The following CLEC2B variants were observed in gnomAD, a reference collection of about 807,000 sequenced individuals.
The protein encoded by CLEC2B is C-type lectin domain family 2 member B.
Under a neutral mutation model 16.2 loss-of-function variants are expected in CLEC2B, and 14 were observed. The ratio of observed to expected loss-of-function variants is 0.86; its 90% CI spans 0.57 to 1.35. The LOEUF (loss-of-function observed/expected upper bound fraction) is 1.35, where lower values mean the gene tolerates loss of function less well. CLEC2B is among the 40% of genes most tolerant of loss of function. The pLI is 0.00. For synonymous variants in CLEC2B, 42 were observed against 55.8 expected (o/e 0.75, Z 1.10); for missense variants, 166 against 182.3 (o/e 0.91, Z 0.52).
At chr12:9,867,917 G>A (rs1391801693) in intron 1 of CLEC2B, among the ~76,000 whole-genome samples, 1 of 151,822 alleles carries the variant, frequency 6.6e-6, no homozygotes, top group East Asian at 1.9e-4. Flanking sequence ...AAATCAAACA[G>A]AATATTATTT....
intron 1 of CLEC2B, among the ~76,000 whole-genome samples, chr12:9,865,481 T>G (rs1266242461): frequency 6.6e-6 from 1 of 152,184 alleles, no homozygotes; most frequent in Non-Finnish European, 1.5e-5. Flanking sequence ...TCTAAAAATC[T>G]ATGGACCCAA....
At chr12:9,868,962 C>T (rs895874851) in intron 1 of CLEC2B, among the ~76,000 whole-genome samples, 1 of 152,040 alleles carries the variant, frequency 6.6e-6, no homozygotes, top group African/African-American at 2.4e-5. Context: ...AAAAATGAAA[C>T]TAAATCTTGA....
chr12:9,857,345 C>G (rs1867901128), intron 3 of CLEC2B, 129 bp downstream of exon 3: 1 of 687,528 alleles, frequency 1.5e-6, no homozygotes, highest in East Asian at 2.7e-5. Flanking sequence ...ACATGGCATA[C>G]TCTGAACATC....
intron 2 of CLEC2B, among the ~76,000 whole-genome samples, chr12:9,857,999 T>G (rs1389205093): frequency 6.6e-6 from 1 of 151,830 alleles, no homozygotes; most frequent in South Asian, 2.1e-4. Context: ...TAGTCACTAA[T>G]GAATCTAAAC....
chr12:9,854,387 G>A lies in CLEC2B; in HGVS notation c.335C>T (p.Thr112Ile), dbSNP rs2136976508. ...TGQWVDGATF[T>I]KSFGMRGSEG... ...CAGAAAAAAATAAACTCACGATTTGGTAAATGTAGCTCCATCTACCCATTG... is the reference window on the plus strand; with the variant it reads ...CAGAAAAAAATAAACTCACGATTTGATAAATGTAGCTCCATCTACCCATTG... Residue 112 changes from threonine to isoleucine, a missense_variant, in exon 4 of 5, where the codon ACC becomes ATC. Thr to Ile is a moderately conservative substitution (Grantham distance 89). Transcript: ENST00000228438. 1 of 1,607,166 alleles carries A rather than the reference G, an allele frequency of 6.2e-7. No individual in the cohort carries two copies. Among genetic ancestry groups the A allele is most frequent in the South Asian group, 1.1e-5 (1 of 90,770 alleles).
intron 1 of CLEC2B, among the ~76,000 whole-genome samples, chr12:9,863,143 G>C (rs1867946059): frequency 6.6e-6 from 1 of 152,100 alleles, no homozygotes; most frequent in African/African-American, 2.4e-5. Flanking sequence ...CACCTCGTCA[G>C]TCTTCCCACA....
intron 1 of CLEC2B, among the ~76,000 whole-genome samples, chr12:9,862,968 G>A (rs1469368643): frequency 6.6e-6 from 1 of 152,128 alleles, no homozygotes; most frequent in East Asian, 1.9e-4. Flanking sequence ...AAGCATCGGG[G>A]TGCCTGAACG....
chr12:9,865,203 C>G (rs915104392), intron 1 of CLEC2B, among the ~76,000 whole-genome samples: 3 of 114,536 alleles, frequency 2.6e-5, no homozygotes, highest in Non-Finnish European at 5.5e-5. Context: ...AAAAAAAAAG[C>G]ATAAAGTTAA....
chr12:9,854,261 C>A, intron 4 of CLEC2B, 120 bp downstream of exon 4: 1 of 601,292 alleles, frequency 1.7e-6, no homozygotes, highest in East Asian at 2.9e-5. Context: ...ATTCAATCCC[C>A]CCTCCATCTT....
chr12:9,857,913 C>G (rs564223600), intron 2 of CLEC2B, among the ~76,000 whole-genome samples: 2 of 151,996 alleles, frequency 1.3e-5, no homozygotes, highest in Non-Finnish European at 2.9e-5. Context: ...TGTAGGTTAC[C>G]GTTACCATTT....
intron 2 of CLEC2B, 54 bp downstream of exon 2, chr12:9,862,445 G>T (rs1867939987): frequency 1.5e-6 from 2 of 1,361,256 alleles, no homozygotes; most frequent in South Asian, 2.7e-5. Flanking sequence ...AGACAGAAAG[G>T]AATAGGATCA....
chr12:9,856,298 A>G (rs1393698120), intron 3 of CLEC2B, among the ~76,000 whole-genome samples: 1 of 151,970 alleles, frequency 6.6e-6, no homozygotes, highest in Admixed American at 6.6e-5. Flanking sequence ...CTTTCCCCCA[A>G]GAGGAACTGT....
chr12:9,860,071 A>C (rs253152), intron 2 of CLEC2B, among the ~76,000 whole-genome samples: 93,454 of 151,312 alleles, frequency 0.62, 29,467 homozygotes, highest in African/African-American at 0.76. Flanking sequence ...ATATTAAAAA[A>C]ATTTTACTGA....
At chr12:9,867,401 A>G (rs1157875687) in intron 1 of CLEC2B, 1 of 152,166 alleles carries the variant, frequency 6.6e-6, no homozygotes, top group African/African-American at 2.4e-5. Flanking sequence ...TTATGTGTTC[A>G]TTCTCTACTT....
chr12:9,855,245 C>G (rs550239266), intron 3 of CLEC2B, among the ~76,000 whole-genome samples: 8 of 152,110 alleles, frequency 5.3e-5, no homozygotes, highest in Non-Finnish European at 1.0e-4. Flanking sequence ...GATCACACCA[C>G]TATGGTCAAA....
intron 2 of CLEC2B, among the ~76,000 whole-genome samples, chr12:9,862,099 G>T (rs1334149706): frequency 6.6e-6 from 1 of 151,966 alleles, no homozygotes; most frequent in Non-Finnish European, 1.5e-5. Flanking sequence ...AAAGGGAAAA[G>T]ATACAAAGAT....
At chr12:9,867,290 C>G (rs1285904378) in intron 1 of CLEC2B, 1 of 152,122 alleles carries the variant, frequency 6.6e-6, no homozygotes, top group Admixed American at 6.5e-5. Flanking sequence ...CCTGTCCATT[C>G]AGTGGGATGG....
intron 3 of CLEC2B, among the ~76,000 whole-genome samples, chr12:9,856,658 A>C (rs1015770981): frequency 6.6e-6 from 1 of 152,062 alleles, no homozygotes; most frequent in African/African-American, 2.4e-5. Context: ...TCTGCTTTTC[A>C]TTGAAACACT....
intron 1 of CLEC2B, among the ~76,000 whole-genome samples, chr12:9,862,964 C>T (rs576925357): frequency 3.3e-5 from 5 of 152,168 alleles, no homozygotes; most frequent in East Asian, 1.9e-4. Context: ...TGGGAAGCAT[C>T]GGGGTGCCTG....
Sources: gnomAD v4.1 joint callset for allele counts (sites outside exome capture counted in the v4.1 genomes callset) on GRCh38, gnomAD v4.1.1 for gene constraint, MANE v1.5 for transcripts, NCBI Gene and HGNC (gene_info 2026-07-23, HGNC 2026-07-21) for gene names.